COL13A1: variants seen among roughly 807,000 people sequenced by gnomAD.
COL13A1 encodes the protein collagen alpha-1(XIII) chain.
COL13A1 carries 89 observed loss-of-function variants against 130.9 expected under a neutral mutation model. That is an observed-to-expected ratio of 0.68 (90% CI 0.57 to 0.81). The LOEUF is 0.81. Among genes scored for constraint, COL13A1 ranks in the 30% least tolerant of loss-of-function variants. The pLI is 0.00. For missense variants in COL13A1, 879 were observed against 934.6 expected (o/e 0.94, Z 0.78); for synonymous variants, 402 against 341.6 (o/e 1.18, Z -1.95).
intron 14 of COL13A1, among the ~76,000 whole-genome samples, chr10:69,900,662 A>G (rs2062095462): frequency 6.6e-6 from 1 of 152,244 alleles, no homozygotes; most frequent in African/African-American, 2.4e-5. Context: ...TCTAAGATTC[A>G]CTGAAAAAGG....
intron 21 of COL13A1, 58 bp downstream of exon 21, chr10:69,919,785 C>A (rs555830775): frequency 7.5e-6 from 3 of 398,702 alleles, no homozygotes; most frequent in Non-Finnish European, 1.3e-5. Context: ...CATTCCCCTA[C>A]TCTCTGGCCT....
At chr10:69,868,849 T>G (rs531067662) in intron 3 of COL13A1, among the ~76,000 whole-genome samples, 1 of 152,360 alleles carries the variant, frequency 6.6e-6, no homozygotes, top group African/African-American at 2.4e-5. Context: ...GGATAATGTA[T>G]TATGGCACGT....
Position 69,936,795 on chromosome 10 carries a change from C to T in COL13A1, c.1797+13C>T. The T allele has an allele frequency of 6.2e-7, 1 of 1,613,874 alleles. No individual in the cohort carries two copies. The highest frequency in any genetic ancestry group is 8.5e-7 in the Non-Finnish European group (1 of 1,179,838). ...TCCTGGACCAAAGGTAAGGAGAAGTCACATGACAGGCGCTGTGTCAGTGCT... is the reference window on the plus strand; with the variant it reads ...TCCTGGACCAAAGGTAAGGAGAAGTTACATGACAGGCGCTGTGTCAGTGCT... On this transcript the variant is annotated intron_variant, in intron 33 of 40. Transcript: ENST00000645393.
chr10:69,805,889 A>G (rs1159244890), intron 1 of COL13A1, among the ~76,000 whole-genome samples: 1 of 152,262 alleles, frequency 6.6e-6, no homozygotes, highest in African/African-American at 2.4e-5. Context: ...TTACAAAACA[A>G]TTCTCCAAAA....
chr10:69,907,752 A>G (rs1589438591), intron 17 of COL13A1, among the ~76,000 whole-genome samples: 1 of 152,262 alleles, frequency 6.6e-6, no homozygotes, highest in East Asian at 1.9e-4. Flanking sequence ...ACCCACACCC[A>G]TGATAACTAA....
chr10:69,948,091 G>A (rs2068819159), intron 38 of COL13A1, among the ~76,000 whole-genome samples: 1 of 152,190 alleles, frequency 6.6e-6, no homozygotes, highest in Non-Finnish European at 1.5e-5. Flanking sequence ...TGGAGTGGGG[G>A]GCACACCCCC....
At position 69,945,767 on chromosome 10, in the gene COL13A1, C is replaced by G. The variant is rs773388709; in HGVS notation, c.2022+43C>G. 11 of 1,588,940 alleles carry G rather than the reference C, an allele frequency of 6.9e-6. No individual in the cohort carries two copies. The South Asian group carries it at 1.3e-4, about 18-fold the overall frequency. ...AGAGGTTCCTCTCCTCCCACCCCTG[C>G]CCCCATTAGAAATACCCACGGCCGG... On this transcript the variant is annotated intron_variant, in intron 37 of 40. Transcript: ENST00000645393.
chr10:69,846,371 G>A (rs1276290234), intron 2 of COL13A1, among the ~76,000 whole-genome samples: 1 of 152,016 alleles, frequency 6.6e-6, no homozygotes, highest in Non-Finnish European at 1.5e-5. Flanking sequence ...CATAACCCGA[G>A]CTGGGGTTGG....
intron 1 of COL13A1, among the ~76,000 whole-genome samples, chr10:69,806,921 T>G (rs2132114234): frequency 6.6e-6 from 1 of 152,218 alleles, no homozygotes; most frequent in Admixed American, 6.5e-5. Context: ...GGCAGGAGAA[T>G]TGCTTGAACT....
intron 36 of COL13A1, 27 bp from the exon 37 acceptor site, chr10:69,945,644 T>G (rs2068390766): frequency 6.2e-7 from 1 of 1,609,476 alleles, no homozygotes; most frequent in African/African-American, 1.3e-5. Context: ...TCTGGCAGGA[T>G]TCATGCATTT....
intron 17 of COL13A1, among the ~76,000 whole-genome samples, chr10:69,911,098 C>G (rs562627930): frequency 6.6e-6 from 1 of 152,298 alleles, no homozygotes; most frequent in Admixed American, 6.5e-5. Context: ...TGGATGGGCC[C>G]TATGATGAGA....
At chr10:69,850,027 AGTGACG>A (rs1406232300) in intron 2 of COL13A1, among the ~76,000 whole-genome samples, 1 of 152,146 alleles carries the variant, frequency 6.6e-6, no homozygotes, top group Non-Finnish European at 1.5e-5. Flanking sequence ...CTGAACACAT[AGTGACG>A]GTGACAGACA....
intron 2 of COL13A1, among the ~76,000 whole-genome samples, chr10:69,822,698 C>T (rs911901745): frequency 1.3e-5 from 2 of 152,166 alleles, no homozygotes; most frequent in Non-Finnish European, 2.9e-5. Context: ...GTGGTGAAGT[C>T]GGATAAGATG....
At chr10:69,878,245 A>C (rs1294498375) in intron 6 of COL13A1, among the ~76,000 whole-genome samples, 180 bp downstream of exon 6, 26 of 152,214 alleles carry the variant, frequency 1.7e-4, no homozygotes, top group Admixed American at 1.6e-3. Context: ...ATCGGGCAGC[A>C]GTCTTGGGAT....
chr10:69,925,961 A>G, intron 26 of COL13A1, 89 bp downstream of exon 26: 1 of 1,120,512 alleles, frequency 8.9e-7, no homozygotes, highest in Non-Finnish European at 1.3e-6. Flanking sequence ...CACACAGCCG[A>G]GTAGGGGCCC....
Position 69,932,616 on chromosome 10 carries a change from A to G in COL13A1, c.1728+12A>G. Reference sequence around the variant, plus strand: ...ATCCAGGAGCAGAGGTACATGAGAGATAATTTGACAGAGACTCATCAAGCG... The same window carrying G: ...ATCCAGGAGCAGAGGTACATGAGAGGTAATTTGACAGAGACTCATCAAGCG... On this transcript the variant is annotated intron_variant, in intron 31 of 40. Coordinates refer to ENST00000645393, the MANE Select transcript of COL13A1 (RefSeq NM_001368882.1). 1 of 1,582,822 alleles carries G rather than the reference A, an allele frequency of 6.3e-7. No individual in the cohort carries two copies. Among genetic ancestry groups the G allele is most frequent in the Non-Finnish European group, 8.7e-7 (1 of 1,152,036 alleles).
intron 9 of COL13A1, among the ~76,000 whole-genome samples, 192 bp from the exon 10 acceptor site, chr10:69,889,222 G>A (rs1434764047): frequency 6.6e-6 from 1 of 152,226 alleles, no homozygotes; most frequent in Non-Finnish European, 1.5e-5. Flanking sequence ...GAGGGGCAGT[G>A]AGCAAATGAC....
chr10:69,957,026 A>T lies in COL13A1; in HGVS notation c.2168A>T (p.Gln723Leu). The change falls in exon 40 of 41, where the codon CAA (glutamine) becomes CTA (leucine). Residue 723 changes from glutamine (Q) to leucine (L), a missense_variant. Gln to Leu is a moderately radical substitution (Grantham distance 113). This residue lies in a region of COL13A1 where 68 missense variants were observed against 65.8 expected (regional missense o/e 1.03). Transcript: ENST00000645393. Reference sequence around the variant, plus strand: ...CAGGGCGAAGATGGCTTACCAGTCCAAGGCTGCTGGAACAAGGTAAGGCTT... The same window carrying T: ...CAGGGCGAAGATGGCTTACCAGTCCTAGGCTGCTGGAACAAGGTAAGGCTT... ...CPLGEDGLPV[Q>L]GCWNK 1 of 1,613,848 alleles carries T rather than the reference A, an allele frequency of 6.2e-7. No individual in the cohort carries two copies. The highest frequency in any genetic ancestry group is 1.1e-5 in the South Asian group (1 of 91,080).
chr10:69,838,432 T>A (rs1354012497), intron 2 of COL13A1, among the ~76,000 whole-genome samples: 1 of 152,204 alleles, frequency 6.6e-6, no homozygotes, highest in Non-Finnish European at 1.5e-5. Context: ...AAGATAGGGA[T>A]CATGACAACC....
Sources: allele counts gnomAD v4.1 joint callset (sites outside exome capture counted in the v4.1 genomes callset), GRCh38; gene constraint gnomAD v4.1.1; regional missense constraint gnomAD v4.1.1; transcripts MANE v1.5; gene names NCBI Gene and HGNC (gene_info 2026-07-23, HGNC 2026-07-21).